The following HDX variants were observed in gnomAD, a reference collection of about 807,000 sequenced individuals.
The protein encoded by HDX is chromosome X open reading frame 43.
In HDX, 19 loss-of-function variants were observed where a neutral mutation model predicts 45.2. The observed-to-expected ratio is 0.42, with a 90% CI of 0.29 to 0.62. The LOEUF is 0.62. Ranked by LOEUF, HDX falls within the 20% of genes least tolerant of loss-of-function variation. HDX has a pLI of 0.20. For missense variants in HDX, 532 were observed against 493.9 expected, an observed-to-expected ratio of 1.08 and a Z score of -0.73; for synonymous variants, 188 against 172.8, an observed-to-expected ratio of 1.09 and a Z score of -0.69.
rs529549295 is a variant in HDX at position 84,406,987 on chromosome X, C to T, written c.1305+33545G>A. On this transcript the variant is annotated intron_variant, in intron 5 of 10. Transcript: ENST00000373177. ...AAAGACAGCCAAACAGAACTTATCACTTGATTGAATTTATTTTTAAAAACT... is the reference window on the plus strand; with the variant it reads ...AAAGACAGCCAAACAGAACTTATCATTTGATTGAATTTATTTTTAAAAACT... 2.7e-5 allele frequency among the ~76,000 whole-genome samples: 3 copies of T among 110,774 alleles called. No homozygotes were observed. In the South Asian group the frequency reaches 1.1e-3, roughly 42 times the overall value.
intron 5 of HDX, among the ~76,000 whole-genome samples, chrX:84,429,992 A>G (rs748549944): frequency 1.8e-5 from 2 of 110,581 alleles, no homozygotes; most frequent in Non-Finnish European, 3.8e-5. Context: ...TATCATATCC[A>G]TCCTCTCAAA....
chrX:84,429,496 A>G (rs185886308), intron 5 of HDX, among the ~76,000 whole-genome samples: 1 of 110,997 alleles, frequency 9.0e-6, no homozygotes, highest in East Asian at 2.8e-4. Flanking sequence ...TTATAAACAC[A>G]CAATTGGTTT....
rs200114019 is a variant in HDX at position 84,399,245 on chromosome X, CA to C, written c.1306-37634del. ...AACACAACTGAAGGAGATAGAGACA[CA>C]AACCCCCCCCCAAAAAAACAATAAA... On this transcript the variant is annotated intron_variant, in intron 5 of 10. Transcript: ENST00000373177. Among the ~76,000 whole-genome samples the C allele has an allele frequency of 8.7e-4, 92 of 105,749 alleles. No individual in the cohort carries two copies. In the East Asian group the frequency reaches 0.014, roughly 17 times the overall value. The allele number at this position is 105,749 out of a possible 115,157, so 91.8% of individuals were successfully genotyped here.
rs750820760 is a variant in HDX, at chrX:84,386,970, AT to A, written c.1306-25359del. Among the ~76,000 whole-genome samples, 16 of 110,478 alleles carry A rather than the reference AT, an allele frequency of 1.4e-4. No individual in the cohort carries two copies. In the East Asian group the frequency reaches 4.6e-3, roughly 32 times the overall value. Reference sequence around the variant, plus strand: ...ATTTGAGATCTAACTTCTTGAAGGGATTTAGGGCCATAAACTTTCCTCTTAA... The same window carrying A: ...ATTTGAGATCTAACTTCTTGAAGGGATTAGGGCCATAAACTTTCCTCTTAA... On this transcript the variant is annotated intron_variant, in intron 5 of 10. Transcript: ENST00000373177.
intron 6 of HDX, among the ~76,000 whole-genome samples, chrX:84,351,582 C>T (rs2037362017): frequency 9.0e-6 from 1 of 111,215 alleles, no homozygotes; most frequent in Admixed American, 9.6e-5. Context: ...CTGAGAGAGG[C>T]CAGGCTTTTC....
intron 4 of HDX, among the ~76,000 whole-genome samples, chrX:84,466,209 A>G (rs1362272289): frequency 8.9e-6 from 1 of 112,606 alleles, no homozygotes; most frequent in African/African-American, 3.2e-5. Context: ...GGCATAGACT[A>G]GCAGAGTTTC....
chrX:84,483,098 G>A (rs1398388744), intron 2 of HDX, among the ~76,000 whole-genome samples: 1 of 111,408 alleles, frequency 9.0e-6, no homozygotes, highest in African/African-American at 3.3e-5. Flanking sequence ...TTGTGGCTTT[G>A]CAGGGTACAG....
intron 2 of HDX, among the ~76,000 whole-genome samples, chrX:84,480,440 C>T (rs1211045926): frequency 9.0e-6 from 1 of 111,411 alleles, no homozygotes; most frequent in Non-Finnish European, 1.9e-5. Flanking sequence ...GGAGGGAAAG[C>T]GTTAAATCTT....
At chrX:84,369,026 C>T (rs776770247) in intron 5 of HDX, among the ~76,000 whole-genome samples, 28 of 110,656 alleles carry the variant, frequency 2.5e-4, no homozygotes, top group Non-Finnish European at 3.6e-4. Context: ...TGTGTGGACT[C>T]GTACCAGTCC....
At chrX:84,467,985 A>T (rs1392058920) in intron 4 of HDX, among the ~76,000 whole-genome samples, 1 of 111,790 alleles carries the variant, frequency 8.9e-6, no homozygotes, top group African/African-American at 3.3e-5. Flanking sequence ...CATTTCTAAA[A>T]AGCAGTTGGC....
chrX:84,445,194 T>C (rs929440582), intron 4 of HDX, among the ~76,000 whole-genome samples: 1 of 112,050 alleles, frequency 8.9e-6, no homozygotes, highest in Non-Finnish European at 1.9e-5. Flanking sequence ...TACTATCTGA[T>C]ATATACTGCA....
chrX:84,322,674 G>A (rs756306473), intron 10 of HDX, among the ~76,000 whole-genome samples: 36 of 110,521 alleles, frequency 3.3e-4, no homozygotes, highest in Middle Eastern at 4.7e-3. Context: ...GAGTAATAAG[G>A]ATAATCCAAT....
At chrX:84,481,160 T>C in intron 2 of HDX, among the ~76,000 whole-genome samples, 1 of 111,640 alleles carries the variant, frequency 9.0e-6, no homozygotes, top group South Asian at 3.7e-4. Context: ...ATTATTTTAC[T>C]GTCTGTAGGG....
intron 5 of HDX, among the ~76,000 whole-genome samples, chrX:84,372,480 C>A (rs1243159860): frequency 8.9e-6 from 1 of 111,914 alleles, no homozygotes; most frequent in Non-Finnish European, 1.9e-5. Flanking sequence ...TACATAAGCA[C>A]ACAGCAAGTT....
chrX:84,414,290 C>T (rs2039053047), intron 5 of HDX, among the ~76,000 whole-genome samples: 1 of 111,244 alleles, frequency 9.0e-6, no homozygotes, highest in African/African-American at 3.3e-5. Context: ...TTCACAAGCA[C>T]CACCTCTACC....
chrX:84,356,559 G>T, intron 6 of HDX, among the ~76,000 whole-genome samples: 1 of 106,574 alleles, frequency 9.4e-6, no homozygotes, highest in Non-Finnish European at 1.9e-5. Context: ...CACAGTAAGT[G>T]TGCCTAAAAT....
intron 6 of HDX, among the ~76,000 whole-genome samples, chrX:84,359,319 T>C (rs1360560792): frequency 1.8e-5 from 2 of 110,513 alleles, no homozygotes; most frequent in Non-Finnish European, 3.8e-5. Context: ...TTGTATACAT[T>C]AGCTTTTTTC....
chrX:84,490,719 CTT>C (rs1312072814), intron 1 of HDX, among the ~76,000 whole-genome samples: 3 of 109,013 alleles, frequency 2.8e-5, no homozygotes, highest in Non-Finnish European at 3.8e-5. Flanking sequence ...TTTTTTAAAT[CTT>C]ATTATTATTA....
At chrX:84,328,888 A>T (rs760137538) in intron 9 of HDX, among the ~76,000 whole-genome samples, 2 of 112,058 alleles carry the variant, frequency 1.8e-5, no homozygotes, top group African/African-American at 3.2e-5. Context: ...TTGGGCCACC[A>T]CTTGATTTTA....
Sources: gnomAD v4.1 joint callset for allele counts (sites outside exome capture counted in the v4.1 genomes callset) on GRCh38, gnomAD v4.1.1 for gene constraint, MANE v1.5 for transcripts, NCBI Gene and HGNC (gene_info 2026-07-23, HGNC 2026-07-21) for gene names.